CSMD1: variants seen among roughly 807,000 people sequenced by gnomAD.
CSMD1 encodes CUB and sushi domain-containing protein 1.
CSMD1 carries 213 observed loss-of-function variants against 417.5 expected under a neutral mutation model. The observed-to-expected ratio is 0.51, with a 90% CI of 0.46 to 0.57. The LOEUF (loss-of-function observed/expected upper bound fraction) is 0.57, where lower values mean the gene tolerates loss of function less well. CSMD1 is among the 20% of genes least tolerant of loss of function. CSMD1 has a pLI of 0.00. For missense variants in CSMD1, 6,923 were observed against 4,529.7 expected, an observed-to-expected ratio of 1.53 and a Z score of -15.17; for synonymous variants, 2,862 against 1,736.8, an observed-to-expected ratio of 1.65 and a Z score of -16.11.
chr8:3,985,220 T>C (rs1001087985), intron 5 of CSMD1, among the ~76,000 whole-genome samples: 2 of 152,182 alleles, frequency 1.3e-5, no homozygotes, highest in African/African-American at 2.4e-5. Flanking sequence ...CTGAGAAGCA[T>C]TGACGGGTTA....
chr8:3,613,891 A>G (rs569548258), intron 8 of CSMD1, among the ~76,000 whole-genome samples: 1 of 152,264 alleles, frequency 6.6e-6, no homozygotes, highest in African/African-American at 2.4e-5. Flanking sequence ...TTTCTACTCA[A>G]TCTTGTAAAA....
chr8:3,741,867 G>T (rs1302238993), intron 6 of CSMD1, among the ~76,000 whole-genome samples: 2 of 152,134 alleles, frequency 1.3e-5, no homozygotes, highest in Non-Finnish European at 2.9e-5. Context: ...GTGGACCAAA[G>T]GTAAAGGTTC....
chr8:3,532,709 G>C (rs746294212), intron 10 of CSMD1, among the ~76,000 whole-genome samples: 1 of 151,994 alleles, frequency 6.6e-6, no homozygotes, highest in South Asian at 2.1e-4. Flanking sequence ...CAAACAATTT[G>C]CTTAAAATAA....
chr8:3,108,976 C>T (rs1016729021), intron 43 of CSMD1, among the ~76,000 whole-genome samples: 13 of 152,302 alleles, frequency 8.5e-5, no homozygotes, highest in African/African-American at 2.9e-4. Context: ...TGTCAAATGT[C>T]AACACTCACC....
At chr8:3,559,083 G>T (rs1799354806) in intron 10 of CSMD1, among the ~76,000 whole-genome samples, 1 of 152,198 alleles carries the variant, frequency 6.6e-6, no homozygotes, top group Non-Finnish European at 1.5e-5. Flanking sequence ...TTATGCTGAA[G>T]AATAACATCC....
intron 3 of CSMD1, among the ~76,000 whole-genome samples, chr8:4,262,502 G>A (rs1432103461): frequency 6.6e-6 from 1 of 152,086 alleles, no homozygotes. Context: ...TTTTGCTGGT[G>A]GGCTGATTTT....
chr8:3,269,064 T>C (rs1193782009), intron 26 of CSMD1, among the ~76,000 whole-genome samples: 1 of 152,168 alleles, frequency 6.6e-6, no homozygotes, highest in African/African-American at 2.4e-5. Context: ...TTAGAGAAAA[T>C]GAATCAGAGC....
Position 3,681,303 on chromosome 8 carries a change from A to C in CSMD1, c.1009+27111T>G, listed in dbSNP as rs548079278. ...ATTTAGAAAACCCCATCATCTCAGC[A>C]CAAAATCTCCTTAAGCTGATAAGCA... On this transcript the variant is annotated intron_variant, in intron 7 of 69. Transcript: ENST00000635120. Among the ~76,000 whole-genome samples the C allele has an allele frequency of 4.5e-3, 682 of 152,254 alleles. 4 individuals carry two copies. Among genetic ancestry groups the C allele is most frequent in the African/African-American group, 0.016 (651 of 41,560 alleles).
intron 3 of CSMD1, among the ~76,000 whole-genome samples, chr8:4,266,322 A>G (rs1167312298): frequency 1.9e-5 from 2 of 105,308 alleles, no homozygotes; most frequent in Admixed American, 1.8e-4. Flanking sequence ...AGGTCTTAGA[A>G]ACAGTTGATT....
At position 4,196,589 on chromosome 8, in the gene CSMD1, G is replaced by A. The variant is rs1399211390; in HGVS notation, c.416-164490C>T. ...CTCAAAAGACTACCACATTCTCTGG[G>A]GTCATAGCCTTCTTTGTGAATCTTC... On this transcript the variant is annotated intron_variant, in intron 3 of 69. Coordinates refer to ENST00000635120, the MANE Select transcript of CSMD1 (RefSeq NM_033225.6). Among the ~76,000 whole-genome samples the A allele has an allele frequency of 4.6e-5, 7 of 152,036 alleles. No homozygotes were observed. The South Asian group carries it at 1.0e-3, about 23-fold the overall frequency.
At chr8:3,554,867 GC>G (rs1363947460) in intron 10 of CSMD1, among the ~76,000 whole-genome samples, 1 of 152,110 alleles carries the variant, frequency 6.6e-6, no homozygotes, top group Non-Finnish European at 1.5e-5. Flanking sequence ...CAGGCAGGGA[GC>G]CCCCTGCAGT....
intron 3 of CSMD1, among the ~76,000 whole-genome samples, chr8:4,173,153 T>G (rs1797859717): frequency 6.6e-6 from 1 of 152,168 alleles, no homozygotes; most frequent in Non-Finnish European, 1.5e-5. Flanking sequence ...GTTGCTAGAT[T>G]GATTATAATA....
chr8:4,511,817 T>C (rs1330551248), intron 2 of CSMD1, among the ~76,000 whole-genome samples: 1 of 152,060 alleles, frequency 6.6e-6, no homozygotes, highest in Non-Finnish European at 1.5e-5. Context: ...ACATTATGAG[T>C]TTTACTTCCT....
At chr8:4,551,901 A>T (rs527779174) in intron 2 of CSMD1, among the ~76,000 whole-genome samples, 1 of 149,564 alleles carries the variant, frequency 6.7e-6, no homozygotes, top group Admixed American at 6.7e-5. Flanking sequence ...TTGCTCAGGC[A>T]GACTCAAACT....
At chr8:3,354,659 T>G (rs990792035) in intron 21 of CSMD1, among the ~76,000 whole-genome samples, 5 of 151,956 alleles carry the variant, frequency 3.3e-5, no homozygotes, top group Non-Finnish European at 7.4e-5. Context: ...TTTTTACAAT[T>G]TAGTGCCGTT....
chr8:4,844,793 C>T (rs900712455), intron 1 of CSMD1, among the ~76,000 whole-genome samples: 1 of 152,144 alleles, frequency 6.6e-6, no homozygotes, highest in Non-Finnish European at 1.5e-5. Context: ...CACTAACTGA[C>T]AAAAGTTTTC....
At chr8:4,654,001 A>G (rs1804071690) in intron 1 of CSMD1, among the ~76,000 whole-genome samples, 1 of 152,110 alleles carries the variant, frequency 6.6e-6, no homozygotes, top group South Asian at 2.1e-4. Context: ...TTCAAATATA[A>G]AGGTTGGTTG....
chr8:4,272,047 A>G (rs1804633069), intron 3 of CSMD1, among the ~76,000 whole-genome samples: 1 of 152,152 alleles, frequency 6.6e-6, no homozygotes, highest in Non-Finnish European at 1.5e-5. Flanking sequence ...AATTGCATGT[A>G]AGTAGACCTG....
intron 1 of CSMD1, among the ~76,000 whole-genome samples, chr8:4,768,820 G>A (rs1480687936): frequency 1.3e-5 from 2 of 152,170 alleles, no homozygotes; most frequent in African/African-American, 4.8e-5. Context: ...AATGGAAATA[G>A]AAGCAGTTAT....
Sources: gnomAD v4.1 joint callset for allele counts (sites outside exome capture counted in the v4.1 genomes callset) on GRCh38, gnomAD v4.1.1 for gene constraint, MANE v1.5 for transcripts, NCBI Gene and HGNC (gene_info 2026-07-23, HGNC 2026-07-21) for gene names.